The following PLPP3 variants were observed in gnomAD, a reference collection of about 807,000 sequenced individuals.
PLPP3 encodes PAP2 beta.
PLPP3 carries 6 observed loss-of-function variants against 29.6 expected under a neutral mutation model. The ratio of observed to expected loss-of-function variants is 0.20; its 90% CI spans 0.11 to 0.40. The LOEUF is 0.40. PLPP3 is among the 10% of genes least tolerant of loss of function. The pLI is 1.00. For synonymous variants in PLPP3, 152 were observed against 159.7 expected (o/e 0.95, Z 0.36); for missense variants, 308 against 407.7 (o/e 0.76, Z 2.11).
chr1:56,512,445 G>T, intron 4 of PLPP3: 1 of 250,256 alleles, frequency 4.0e-6, no homozygotes, highest in Non-Finnish European at 7.6e-6. Context: ...AACCTCATCT[G>T]TAATAAAAAT....
chr1:56,522,953 A>G (rs958035760), intron 4 of PLPP3, among the ~76,000 whole-genome samples: 1 of 152,198 alleles, frequency 6.6e-6, no homozygotes, highest in Non-Finnish European at 1.5e-5. Flanking sequence ...TCTGTCCAGC[A>G]GCTGGAGGCA....
At chr1:56,550,008 T>A (rs1263206392) in intron 1 of PLPP3, among the ~76,000 whole-genome samples, 2 of 152,142 alleles carry the variant, frequency 1.3e-5, no homozygotes, top group Admixed American at 1.3e-4. Flanking sequence ...AAATGAAGAA[T>A]AGTGATAAGG....
intron 1 of PLPP3, among the ~76,000 whole-genome samples, chr1:56,545,216 C>T (rs985198379): frequency 1.3e-5 from 2 of 152,224 alleles, no homozygotes; most frequent in Admixed American, 6.5e-5. Flanking sequence ...CCACTCCTAT[C>T]AACTGTCATT....
chr1:56,502,744 G>A (rs1645676804), intron 5 of PLPP3, among the ~76,000 whole-genome samples: 1 of 152,258 alleles, frequency 6.6e-6, no homozygotes, highest in East Asian at 1.9e-4. Flanking sequence ...GATACGTGAC[G>A]CTTTAAATGC....
chr1:56,519,733 A>C (rs1645805716), intron 4 of PLPP3, among the ~76,000 whole-genome samples: 1 of 149,996 alleles, frequency 6.7e-6, no homozygotes, highest in Non-Finnish European at 1.5e-5. Flanking sequence ...GTGCTTATAT[A>C]TGCTGTGGGT....
intron 1 of PLPP3, among the ~76,000 whole-genome samples, chr1:56,557,332 C>T (rs1320888930): frequency 6.6e-6 from 1 of 151,212 alleles, no homozygotes; most frequent in Non-Finnish European, 1.5e-5. Context: ...GAGCCAAAGA[C>T]GCACCACTGC....
At chr1:56,507,802 A>C (rs1226965721) in intron 5 of PLPP3, among the ~76,000 whole-genome samples, 1 of 152,190 alleles carries the variant, frequency 6.6e-6, no homozygotes, top group Admixed American at 6.5e-5. Flanking sequence ...AAAGGACAAA[A>C]GTCACAGAAG....
rs888876140 is a variant in PLPP3, at chr1:56,539,307, C to A, written c.140-2195G>T. Among the ~76,000 whole-genome samples the A allele has an allele frequency of 3.3e-5, 5 of 152,116 alleles. No homozygotes were observed. The East Asian group carries it at 9.6e-4, about 29-fold the overall frequency. ...TCATGTTGCTTGAAGTCCCAGACCA[C>A]CTCTAAAAAAAAGTACCATGAACTC... On this transcript the variant is annotated intron_variant, in intron 1 of 5. Transcript: ENST00000371250.
intron 1 of PLPP3, among the ~76,000 whole-genome samples, chr1:56,554,599 T>TC (rs1646062044): frequency 6.6e-6 from 1 of 150,668 alleles, no homozygotes; most frequent in African/African-American, 2.4e-5. Flanking sequence ...AAATACAGTG[T>TC]CATATATAAA....
At chr1:56,511,858 C>T in intron 5 of PLPP3, 118 bp downstream of exon 5, 1 of 1,267,854 alleles carries the variant, frequency 7.9e-7, no homozygotes, top group Non-Finnish European at 1.1e-6. Context: ...GGTGACTCTT[C>T]AGACACCAAG....
intron 1 of PLPP3, among the ~76,000 whole-genome samples, chr1:56,565,379 T>C (rs1046864096): frequency 1.3e-5 from 2 of 151,928 alleles, no homozygotes; most frequent in South Asian, 2.1e-4. Context: ...GAGTGACCCA[T>C]TACCACTGCC....
intron 1 of PLPP3, among the ~76,000 whole-genome samples, chr1:56,562,159 G>C (rs1034500485): frequency 1.3e-5 from 2 of 151,932 alleles, no homozygotes; most frequent in African/African-American, 4.8e-5. Context: ...CTGGGAGAAG[G>C]GTGTGAAGGG....
At chr1:56,526,986 G>A (rs778986235) in intron 2 of PLPP3, among the ~76,000 whole-genome samples, 30 of 152,172 alleles carry the variant, frequency 2.0e-4, no homozygotes, top group Non-Finnish European at 2.9e-4. Flanking sequence ...CAGTCAACAC[G>A]ATTTCCTGTT....
intron 1 of PLPP3, among the ~76,000 whole-genome samples, chr1:56,558,855 T>A (rs1777282): frequency 0.84 from 127,384 of 152,172 alleles, 53,905 homozygotes; most frequent in Non-Finnish European, 0.9. Context: ...TGGTGGTGAA[T>A]CTCTTCATCT....
chr1:56,578,538 C>G (rs1041434915), intron 1 of PLPP3, among the ~76,000 whole-genome samples: 28 of 152,208 alleles, frequency 1.8e-4, no homozygotes, highest in African/African-American at 6.5e-4. Flanking sequence ...GAGCGCGGCT[C>G]AACCAACTTC....
chr1:56,496,668 G>A lies in PLPP3; in HGVS notation c.819C>T (p.Phe273=), dbSNP rs371483426. The part of the protein sequence containing the change: ...GALVACCIVF[F]VSDLFKTKTT... ...TCTTAGTCTTGAAGAGGTCAGACAC[G>A]AAGAAAACCTAGAAGCACAAATCAG... Residue 273 remains phenylalanine (F), a synonymous_variant, in exon 6 of 6, where the codon TTC becomes TTT. Transcript: ENST00000371250. 5.0e-5 allele frequency: 81 copies of A among 1,613,042 alleles called. No homozygotes were observed. Among genetic ancestry groups the A allele is most frequent in the Non-Finnish European group, 6.1e-5 (72 of 1,179,576 alleles).
chr1:56,528,625 G>A (rs532477869), intron 2 of PLPP3, among the ~76,000 whole-genome samples: 19 of 151,928 alleles, frequency 1.3e-4, no homozygotes, highest in Non-Finnish European at 2.4e-4. Flanking sequence ...CTGGCACCTA[G>A]CAGGAGAGCC....
intron 1 of PLPP3, among the ~76,000 whole-genome samples, chr1:56,562,794 T>C (rs1378301754): frequency 6.6e-6 from 1 of 152,234 alleles, no homozygotes; most frequent in African/African-American, 2.4e-5. Context: ...GCCATGTTTT[T>C]TCCATCTGTG....
At chr1:56,535,673 G>A (rs949747776) in intron 2 of PLPP3, among the ~76,000 whole-genome samples, 5 of 152,196 alleles carry the variant, frequency 3.3e-5, no homozygotes, top group Admixed American at 2.0e-4. Context: ...AGCAGCAAGC[G>A]AAGAGCTGCT....
Sources: allele counts gnomAD v4.1 joint callset (sites outside exome capture counted in the v4.1 genomes callset), GRCh38; gene constraint gnomAD v4.1.1; transcripts MANE v1.5; gene names NCBI Gene and HGNC (gene_info 2026-07-23, HGNC 2026-07-21).